ABCC1: variants seen among roughly 807,000 people sequenced by gnomAD.
ABCC1 encodes the protein multidrug resistance-associated protein 1.
A neutral mutation model predicts 172.9 loss-of-function variants in ABCC1; 83 were observed. That is an observed-to-expected ratio of 0.48 (90% CI 0.40 to 0.58). ABCC1 has a LOEUF of 0.58. ABCC1 is among the 20% of genes least tolerant of loss of function. The pLI is 0.00. For synonymous variants in ABCC1, 937 were observed against 825.2 expected (o/e 1.14, Z -2.32); for missense variants, 1,817 against 2,002.7 (o/e 0.91, Z 1.77).
At chr16:16,018,937 C>T (rs2048103256) in intron 5 of ABCC1, among the ~76,000 whole-genome samples, 1 of 151,730 alleles carries the variant, frequency 6.6e-6, no homozygotes, top group Admixed American at 6.6e-5. Flanking sequence ...CAGGGGTCAC[C>T]CCATTTTGGA....
chr16:16,010,037 C>CTTGTTTT (rs2047717439), intron 3 of ABCC1, 136 bp downstream of exon 3: 1 of 100,498 alleles, frequency 1.0e-5, no homozygotes, highest in African/African-American at 5.8e-5. Flanking sequence ...TAAATGTAGC[C>CTTGTTTT]TTTTTTTTTT....
chr16:15,987,176 G>T (rs1297013817), intron 1 of ABCC1, among the ~76,000 whole-genome samples: 1 of 152,162 alleles, frequency 6.6e-6, no homozygotes, highest in African/African-American at 2.4e-5. Flanking sequence ...GAAAAAGAGA[G>T]AATGTGGAGG....
rs149296075 is a variant in ABCC1 at position 16,115,084 on chromosome 16, G to A, written c.3390+8G>A. The A allele has an allele frequency of 7.0e-4, 1,124 of 1,612,536 alleles. 4 individuals are homozygous for A. The highest frequency in any genetic ancestry group is 6.2e-4 in the Non-Finnish European group (736 of 1,178,720). On this transcript the variant is annotated splice_region_variant and intron_variant, in intron 23 of 30. Coordinates refer to ENST00000399410, the MANE Select transcript of ABCC1 (RefSeq NM_004996.4). ...ATCTACTTCTTCGTCCAGGTAAGGG[G>A]TGAGGTCTTAGTGTTCGGGACAAGC...
chr16:16,045,986 C>T lies in ABCC1; in HGVS notation c.1191C>T (p.Thr397=), dbSNP rs769509321. 15 of 1,614,174 alleles carry T rather than the reference C, an allele frequency of 9.3e-6. No individual in the cohort carries two copies. Among genetic ancestry groups the T allele is most frequent in the Admixed American group, 6.7e-5 (4 of 60,014 alleles). Residue 397 remains threonine, a synonymous_variant, in exon 9 of 31, where the codon ACC becomes ACT. Coordinates refer to ENST00000399410, the MANE Select transcript of ABCC1 (RefSeq NM_004996.4). ...ICFVSGMRIK[T]AVIGAVYRKA... is the part of the protein sequence containing the mutation. ...TCGTCAGTGGCATGAGGATCAAGAC[C>T]GCTGTCATTGGGGCTGTCTATCGGA... is the stretch of plus-strand genomic sequence containing the variant.
chr16:16,015,807 A>G (rs1021416187), intron 4 of ABCC1, among the ~76,000 whole-genome samples: 1 of 152,168 alleles, frequency 6.6e-6, no homozygotes. Context: ...AAGTTACCAC[A>G]AAGAAGATAT....
chr16:16,003,618 G>A (rs1352460657), intron 1 of ABCC1, among the ~76,000 whole-genome samples: 2 of 147,502 alleles, frequency 1.4e-5, no homozygotes, highest in East Asian at 4.0e-4. Flanking sequence ...GTAGGTGGAT[G>A]TATAAATGAA....
intron 7 of ABCC1, among the ~76,000 whole-genome samples, chr16:16,039,108 C>T (rs1015794557): frequency 3.3e-5 from 5 of 151,696 alleles, no homozygotes; most frequent in South Asian, 2.1e-4. Context: ...GGAGACAGGA[C>T]GTTGGTTGTG....
At chr16:16,132,638 T>C (rs554970190) in intron 27 of ABCC1, among the ~76,000 whole-genome samples, 2 of 148,660 alleles carry the variant, frequency 1.3e-5, no homozygotes, top group South Asian at 2.2e-4. Flanking sequence ...TCTCCTGCCT[T>C]AGCCTCCCGA....
chr16:15,962,517 G>C (rs182977469), intron 1 of ABCC1, among the ~76,000 whole-genome samples: 3 of 152,326 alleles, frequency 2.0e-5, no homozygotes, highest in African/African-American at 2.4e-5. Context: ...ACCTGAGACT[G>C]CGTAGTTTAT....
At chr16:16,042,778 G>T (rs7193363) in intron 7 of ABCC1, among the ~76,000 whole-genome samples, 1 of 151,540 alleles carries the variant, frequency 6.6e-6, no homozygotes, top group African/African-American at 2.4e-5. Flanking sequence ...TTCATACACC[G>T]CACAATTCAT....
chr16:16,069,678 C>T (rs539469966), intron 13 of ABCC1, among the ~76,000 whole-genome samples: 1 of 151,236 alleles, frequency 6.6e-6, no homozygotes, highest in Non-Finnish European at 1.5e-5. Flanking sequence ...GTCAAGTGTA[C>T]ACAGAAGTAG....
chr16:16,039,185 G>A (rs2048868738), intron 7 of ABCC1, among the ~76,000 whole-genome samples: 1 of 151,670 alleles, frequency 6.6e-6, no homozygotes, highest in Non-Finnish European at 1.5e-5. Context: ...GAGGAAATGA[G>A]GGTGAGAGTA....
At chr16:16,014,775 C>T (rs1373901166) in intron 4 of ABCC1, 147 bp downstream of exon 4, 14 of 907,796 alleles carry the variant, frequency 1.5e-5, no homozygotes. Flanking sequence ...TGGTGACTTT[C>T]CTACCCCACC....
At chr16:16,001,304 C>T (rs571806652) in intron 1 of ABCC1, among the ~76,000 whole-genome samples, 9 of 152,146 alleles carry the variant, frequency 5.9e-5, no homozygotes, top group African/African-American at 1.2e-4. Context: ...CTCTGCCTCC[C>T]GGGTGCACGC....
chr16:16,135,818 T>C (rs1183028675), intron 28 of ABCC1, among the ~76,000 whole-genome samples: 1 of 152,150 alleles, frequency 6.6e-6, no homozygotes, highest in Non-Finnish European at 1.5e-5. Flanking sequence ...CCTTTTAGTG[T>C]AATCTTCCCT....
chr16:16,036,503 G>A lies in ABCC1; in HGVS notation c.709G>A (p.Glu237Lys), dbSNP rs577514484. The A allele has an allele frequency of 3.8e-5, 61 of 1,613,994 alleles. 1 individual carries two copies. In the South Asian group the frequency reaches 6.6e-4, roughly 17 times the overall value. ...LIVRGYRQPLEGSDLWSLNKE... is the reference protein window; with the variant it reads ...LIVRGYRQPLKGSDLWSLNKE... ...TGTCCGGGGCTACCGCCAGCCCCTG[G>A]AGGGCAGTGACCTCTGGTCCTTAAA... The change falls in exon 7 of 31, where the codon GAG (glutamate) becomes AAG (lysine). Residue 237 changes from glutamate to lysine, a missense_variant. This residue lies in a region of ABCC1 where 398 missense variants were observed against 384.2 expected (regional missense o/e 1.04). Transcript: ENST00000399410.
chr16:16,046,272 CTTG>C (rs762701643), intron 9 of ABCC1, among the ~76,000 whole-genome samples: 10 of 152,020 alleles, frequency 6.6e-5, no homozygotes, highest in Admixed American at 3.3e-4. Context: ...ATCAGTGGCC[CTTG>C]TTGTGGGGAA....
chr16:16,111,573 A>G lies in ABCC1; in HGVS notation c.3070A>G (p.Ile1024Val), dbSNP rs748958517. Residue 1024 changes from isoleucine to valine, a missense_variant, in exon 22 of 31, where the codon ATT becomes GTT. Ile to Val is a conservative substitution (Grantham distance 29). Around this residue, in one of 3 missense-constraint regions of ABCC1, gnomAD observed 1,412 missense variants for 1,600.3 expected, o/e 0.88. Coordinates refer to ENST00000399410, the MANE Select transcript of ABCC1 (RefSeq NM_004996.4). Reference protein sequence around the residue: ...VRLSVYGALGISQGIAVFGYS... With the variant: ...VRLSVYGALGVSQGIAVFGYS... ...GCTGAGCGTCTATGGAGCCCTGGGC[A>G]TTTCACAAGGTTGGTGCCGCTGTCT... 1.9e-6 allele frequency: 3 copies of G among 1,612,960 alleles called. No homozygotes were observed. Among genetic ancestry groups the G allele is most frequent in the Non-Finnish European group, 2.5e-6 (3 of 1,179,878 alleles).
intron 12 of ABCC1, among the ~76,000 whole-genome samples, chr16:16,066,732 C>T (rs1165951139): frequency 1.3e-5 from 2 of 151,664 alleles, no homozygotes; most frequent in Admixed American, 6.6e-5. Context: ...AACCCCATCT[C>T]TACTAAGAAA....
Sources: allele counts gnomAD v4.1 joint callset (sites outside exome capture counted in the v4.1 genomes callset), GRCh38; gene constraint gnomAD v4.1.1; regional missense constraint gnomAD v4.1.1; transcripts MANE v1.5; gene names NCBI Gene and HGNC (gene_info 2026-07-23, HGNC 2026-07-21).